Variants in COBL observed in about 807,000 individuals in gnomAD.
The protein encoded by COBL is cordon-bleu WH2 repeat protein.
In COBL, 51 loss-of-function variants were observed where a neutral mutation model predicts 98.8. That is an observed-to-expected ratio of 0.52 (90% CI 0.41 to 0.65). COBL has a LOEUF of 0.65. Among genes scored for constraint, COBL ranks in the 30% least tolerant of loss-of-function variants. COBL has a pLI of 0.00. For synonymous variants in COBL, 634 were observed against 651.7 expected, an observed-to-expected ratio of 0.97 and a Z score of 0.41; for missense variants, 1,617 against 1,617.5, an observed-to-expected ratio of 1.00 and a Z score of 0.01.
intron 8 of COBL, chr7:51,032,768 A>G (rs975691133): frequency 2.0e-5 from 3 of 152,116 alleles, no homozygotes; most frequent in Admixed American, 6.6e-5. Flanking sequence ...GCACTTTACT[A>G]AAGTTCTGCT....
At chr7:51,160,543 G>A (rs564564747) in intron 5 of COBL, among the ~76,000 whole-genome samples, 4 of 152,316 alleles carry the variant, frequency 2.6e-5, no homozygotes, top group South Asian at 2.1e-4. Flanking sequence ...CAACAGGGCC[G>A]AGCCAACCTT....
chr7:51,058,041 C>T (rs925434584), intron 7 of COBL, among the ~76,000 whole-genome samples: 1 of 151,996 alleles, frequency 6.6e-6, no homozygotes. Context: ...AAAACACAAA[C>T]ATTTGGAAAG....
At chr7:51,092,565 A>G (rs1482349606) in intron 6 of COBL, among the ~76,000 whole-genome samples, 1 of 152,108 alleles carries the variant, frequency 6.6e-6, no homozygotes, top group African/African-American at 2.4e-5. Context: ...TGTTCTTGAT[A>G]CCTTTGTCAA....
chr7:51,065,957 C>T (rs1429234090), intron 7 of COBL, among the ~76,000 whole-genome samples: 1 of 152,154 alleles, frequency 6.6e-6, no homozygotes, highest in African/African-American at 2.4e-5. Context: ...GGAAAGAGGC[C>T]TCAGGAGAAA....
intron 7 of COBL, among the ~76,000 whole-genome samples, chr7:51,051,221 T>C (rs1260210446): frequency 6.6e-6 from 1 of 152,222 alleles, no homozygotes; most frequent in South Asian, 2.1e-4. Context: ...TTCTAGCATC[T>C]TGTGTCATAG....
intron 2 of COBL, among the ~76,000 whole-genome samples, chr7:51,207,433 C>A (rs928663251): frequency 2.6e-5 from 4 of 152,188 alleles, no homozygotes; most frequent in African/African-American, 9.7e-5. Flanking sequence ...GCACTTGCCC[C>A]ATGGTCTCCC....
chr7:51,083,199 G>A, intron 7 of COBL: 1 of 1,465,056 alleles, frequency 6.8e-7, no homozygotes. Flanking sequence ...GTGCCTCTGG[G>A]AGGCTTTTGT....
At chr7:51,196,208 G>A (rs1284284760) in intron 2 of COBL, among the ~76,000 whole-genome samples, 3 of 152,124 alleles carry the variant, frequency 2.0e-5, no homozygotes, top group South Asian at 2.1e-4. Flanking sequence ...TTAACATGAA[G>A]GGATGTTGAA....
At position 51,026,551 on chromosome 7, in the gene COBL, T is replaced by C; in HGVS notation, c.3499A>G (p.Arg1167Gly). Residue 1167 changes from arginine to glycine, a missense_variant, in exon 11 of 13, where the codon AGG becomes GGG. Arg to Gly is a moderately radical substitution (Grantham distance 125, BLOSUM62 -2). Transcript: ENST00000265136. ...GAAGGCCCTTCACCTCTTACCTTCC[T>C]CAGGCTGCAGGTGCCGCTGTGCCCG... is the stretch of plus-strand genomic sequence containing the variant. ...IRGHSGTCSL[R>G]KVASSASEEL... The C allele has an allele frequency of 6.2e-7, 1 of 1,613,990 alleles. No homozygotes were observed. The highest frequency in any genetic ancestry group is 8.5e-7 in the Non-Finnish European group (1 of 1,179,980).
At chr7:51,206,166 A>G (rs1791680040) in intron 2 of COBL, among the ~76,000 whole-genome samples, 1 of 152,170 alleles carries the variant, frequency 6.6e-6, no homozygotes, top group South Asian at 2.1e-4. Context: ...ATTACCATAT[A>G]ACCCACCAAT....
chr7:51,250,113 G>GA (rs1196119682), intron 1 of COBL, among the ~76,000 whole-genome samples: 1 of 151,436 alleles, frequency 6.6e-6, no homozygotes, highest in African/African-American at 2.4e-5. Context: ...AAAAAAAAAA[G>GA]AAGAAAGAAA....
At chr7:51,208,512 T>TG (rs1792052746) in intron 2 of COBL, among the ~76,000 whole-genome samples, 1 of 151,820 alleles carries the variant, frequency 6.6e-6, no homozygotes, top group Non-Finnish European at 1.5e-5. Flanking sequence ...CTGCCCCTGC[T>TG]GGGAAGTGAG....
At chr7:51,275,439 C>T (rs1265264096) in intron 1 of COBL, among the ~76,000 whole-genome samples, 1 of 152,228 alleles carries the variant, frequency 6.6e-6, no homozygotes, top group East Asian at 1.9e-4. Flanking sequence ...TGGGGAACCA[C>T]TGCCTCCAGT....
At chr7:51,214,137 G>A (rs1243064793) in intron 2 of COBL, among the ~76,000 whole-genome samples, 2 of 151,954 alleles carry the variant, frequency 1.3e-5, no homozygotes, top group Non-Finnish European at 2.9e-5. Context: ...GTGGTGGCAC[G>A]CATCTGCAAT....
chr7:51,307,603 T>C (rs548062789), intron 1 of COBL, among the ~76,000 whole-genome samples: 109 of 152,302 alleles, frequency 7.2e-4, no homozygotes, highest in African/African-American at 2.5e-3. Flanking sequence ...TGAAACATGA[T>C]GGTAAGCAAA....
chr7:51,239,966 A>G (rs947409151), intron 1 of COBL, among the ~76,000 whole-genome samples: 1 of 152,256 alleles, frequency 6.6e-6, no homozygotes, highest in African/African-American at 2.4e-5. Context: ...AAAATGCAAT[A>G]TATAAATGAA....
intron 6 of COBL, among the ~76,000 whole-genome samples, chr7:51,092,395 T>C (rs1487986225): frequency 1.3e-5 from 2 of 152,208 alleles, no homozygotes; most frequent in African/African-American, 4.8e-5. Flanking sequence ...TTTCTTCTAG[T>C]AGCTTTATAG....
chr7:51,193,654 A>G, intron 2 of COBL, 65 bp from the exon 3 acceptor site: 1 of 1,435,244 alleles, frequency 7.0e-7, no homozygotes, highest in Non-Finnish European at 9.7e-7. Flanking sequence ...GCCTGGCTAA[A>G]TAAGGGTAGA....
chr7:51,304,754 G>C (rs1802296117), intron 1 of COBL, among the ~76,000 whole-genome samples: 1 of 151,998 alleles, frequency 6.6e-6, no homozygotes, highest in Non-Finnish European at 1.5e-5. Flanking sequence ...AAAAAAATAG[G>C]AACTGTCCTG....
Sources: gnomAD v4.1 joint callset for allele counts (sites outside exome capture counted in the v4.1 genomes callset) on GRCh38, gnomAD v4.1.1 for gene constraint, MANE v1.5 for transcripts, NCBI Gene and HGNC (gene_info 2026-07-23, HGNC 2026-07-21) for gene names.